The following LIMK2 variants were observed in gnomAD, a reference collection of about 807,000 sequenced individuals.
The protein encoded by LIMK2 is LIM domain kinase 2.
A neutral mutation model predicts 75.7 loss-of-function variants in LIMK2; 35 were observed. The observed-to-expected ratio is 0.46, with a 90% CI of 0.35 to 0.61. LIMK2 has a LOEUF of 0.61. LIMK2 is among the 20% of genes least tolerant of loss of function. The pLI is 0.00. For missense variants in LIMK2, 623 were observed against 831.0 expected (o/e 0.75, Z 3.08); for synonymous variants, 301 against 319.2 (o/e 0.94, Z 0.61).
intron 2 of LIMK2, among the ~76,000 whole-genome samples, chr22:31,248,935 C>T (rs768515465): frequency 1.3e-5 from 2 of 152,126 alleles, no homozygotes; most frequent in Non-Finnish European, 2.9e-5. Context: ...GAGGTACCCC[C>T]ATTATGTCCT....
intron 2 of LIMK2, chr22:31,248,736 T>TC: frequency 1.2e-6 from 2 of 1,614,178 alleles, no homozygotes; most frequent in Non-Finnish European, 1.7e-6. Flanking sequence ...TACTTGTCAG[T>TC]CCCGGCTTAC....
chr22:31,270,997 C>A, intron 11 of LIMK2, 139 bp from the exon 12 acceptor site: 1 of 710,586 alleles, frequency 1.4e-6, no homozygotes. Context: ...CCATAGGAGG[C>A]CCTGGCCCTG....
chr22:31,263,834 T>C (rs986502722), intron 7 of LIMK2, among the ~76,000 whole-genome samples: 2 of 151,966 alleles, frequency 1.3e-5, no homozygotes, highest in Admixed American at 6.6e-5. Context: ...CTACAAAGAA[T>C]AAAAAACTTA....
rs775402074 is a variant in LIMK2, at chr22:31,258,316, A to G, written c.142A>G (p.Thr48Ala). The G allele has an allele frequency of 1.9e-5, 31 of 1,608,582 alleles. No homozygotes were observed. The highest frequency in any genetic ancestry group is 2.0e-5 in the Non-Finnish European group (23 of 1,176,710). ...FRCSECQDSLTNWYYEKDGKL... is the reference protein window; with the variant it reads ...FRCSECQDSLANWYYEKDGKL... ...GTGTTCAGAATGCCAGGATTCCCTCACCAACTGGTACTATGAGAAGGATGG... is the reference window on the plus strand; with the variant it reads ...GTGTTCAGAATGCCAGGATTCCCTCGCCAACTGGTACTATGAGAAGGATGG... Residue 48 changes from threonine to alanine, a missense_variant, in exon 3 of 16, where the codon ACC becomes GCC. Thr to Ala is a moderately conservative substitution (Grantham distance 58). Coordinates refer to ENST00000331728, the MANE Select transcript of LIMK2 (RefSeq NM_005569.4).
At position 31,278,447 on chromosome 22, in the gene LIMK2, G is replaced by A. The variant is rs767808195; in HGVS notation, c.*6G>A. 1 of 1,600,192 alleles carries A rather than the reference G, an allele frequency of 6.2e-7. No homozygotes were observed. Among genetic ancestry groups the A allele is most frequent in the Non-Finnish European group, 8.5e-7 (1 of 1,173,052 alleles). ...CCCGGGACTCACCTCCCTAGCCCTG[G>A]CCCAGCCCCCTGCAGGGGGGTGTTC... On this transcript the variant is annotated 3_prime_UTR_variant, in exon 16 of 16. Coordinates refer to ENST00000331728, the MANE Select transcript of LIMK2 (RefSeq NM_005569.4).
At chr22:31,246,072 C>G (rs2048664955) in intron 2 of LIMK2, among the ~76,000 whole-genome samples, 1 of 151,800 alleles carries the variant, frequency 6.6e-6, no homozygotes, top group East Asian at 1.9e-4. Flanking sequence ...ACTTGGGAGG[C>G]TGAGACAAGA....
At chr22:31,259,662 G>T (rs940570726) in intron 4 of LIMK2, among the ~76,000 whole-genome samples, 18 of 152,286 alleles carry the variant, frequency 1.2e-4, no homozygotes, top group Non-Finnish European at 2.2e-4. Context: ...ACCCAGGCCA[G>T]TGTTTTTCCA....
At chr22:31,269,286 C>CTTTTTT (rs796361643) in intron 11 of LIMK2, among the ~76,000 whole-genome samples, 15 of 95,458 alleles carry the variant, frequency 1.6e-4, no homozygotes, top group Admixed American at 4.2e-4. Flanking sequence ...ATTTTTTTTT[C>CTTTTTT]TTTTTTTTTT....
chr22:31,214,307 C>G (rs2048372479), intron 1 of LIMK2, among the ~76,000 whole-genome samples: 1 of 152,158 alleles, frequency 6.6e-6, no homozygotes, highest in African/African-American at 2.4e-5. Flanking sequence ...TATACTTAGC[C>G]AAATGCTGAG....
At position 31,262,229 on chromosome 22, in the gene LIMK2, G is replaced by T. The variant is rs115204987; in HGVS notation, c.647G>T (p.Arg216Leu). ...AATGGGACCCCCGTCCGCACACTTC[G>T]AGTGGAGGAGGTAGAGTGTGTGTCT... ...EINGTPVRTLRVEEVEDAISQ... is the reference protein window; with the variant it reads ...EINGTPVRTLLVEEVEDAISQ... The change falls in exon 6 of 16, where the codon CGA becomes CTA. Residue 216 changes from arginine to leucine, a missense_variant. Coordinates refer to ENST00000331728, the MANE Select transcript of LIMK2 (RefSeq NM_005569.4). The surrounding 1 kb of genome is among the most constrained non-coding windows in gnomAD (Gnocchi z 5.0). 6.2e-7 allele frequency: 1 copy of T among 1,611,218 alleles called. No individual in the cohort carries two copies. Among genetic ancestry groups the T allele is most frequent in the Non-Finnish European group, 8.5e-7 (1 of 1,177,316 alleles).
chr22:31,271,304 G>A lies in LIMK2; in HGVS notation c.1383+103G>A, dbSNP rs1482885475. On this transcript the variant is annotated intron_variant, in intron 12 of 15. Coordinates refer to ENST00000331728, the MANE Select transcript of LIMK2 (RefSeq NM_005569.4). ...TCCCCTCTGGCTAGAGGGCAGAGGT[G>A]TTGCCTAGGAGCTCCTATCTTTCCC... 7.2e-6 allele frequency: 7 copies of A among 974,708 alleles called. No individual in the cohort carries two copies. In the Admixed American group the frequency reaches 1.0e-4, roughly 15 times the overall value. The allele number at this position is 974,708 out of a possible 1,614,324, so 60.4% of individuals were successfully genotyped here. A position where few individuals can be genotyped will look rare whatever the true frequency, so the allele number is the denominator to read the frequency against.
intron 2 of LIMK2, among the ~76,000 whole-genome samples, chr22:31,251,607 C>T (rs1000791451): frequency 3.3e-5 from 5 of 152,232 alleles, no homozygotes; most frequent in Admixed American, 1.3e-4. Flanking sequence ...AATCAGTGCA[C>T]TCTAGCAACA....
chr22:31,212,977 G>T (rs1339736308), intron 1 of LIMK2, among the ~76,000 whole-genome samples: 1 of 152,102 alleles, frequency 6.6e-6, no homozygotes, highest in Non-Finnish European at 1.5e-5. Flanking sequence ...CCCCGGGGCT[G>T]GGAGCTCTTT....
chr22:31,248,800 C>T (rs760806951), intron 2 of LIMK2: 29 of 1,611,322 alleles, frequency 1.8e-5, no homozygotes, highest in Non-Finnish European at 2.5e-5. Context: ...CCCTCTCCAT[C>T]TCTCCTGGCC....
At chr22:31,257,958 A>T (rs1198061400) in intron 2 of LIMK2, among the ~76,000 whole-genome samples, 5 of 152,150 alleles carry the variant, frequency 3.3e-5, no homozygotes, top group Admixed American at 6.5e-5. Flanking sequence ...CCTGTCCCCC[A>T]CCTAAATTAT....
chr22:31,276,739 C>G, intron 15 of LIMK2: 5 of 1,528,684 alleles, frequency 3.3e-6, no homozygotes, highest in Non-Finnish European at 4.4e-6. Context: ...GCCCCGGCCC[C>G]GGCCCCCAGG....
chr22:31,221,586 G>C (rs1298532927), intron 1 of LIMK2, among the ~76,000 whole-genome samples: 1 of 152,144 alleles, frequency 6.6e-6, no homozygotes, highest in Non-Finnish European at 1.5e-5. Flanking sequence ...CCAGGTTCAA[G>C]CAATTCTCTT....
At chr22:31,258,858 G>T in intron 3 of LIMK2, 1 of 451,502 alleles carries the variant, frequency 2.2e-6, no homozygotes, top group Non-Finnish European at 4.1e-6. Flanking sequence ...TGTATTGGAA[G>T]AACTGATCTT....
intron 2 of LIMK2, among the ~76,000 whole-genome samples, chr22:31,253,329 G>C (rs2048744516): frequency 6.6e-6 from 1 of 152,230 alleles, no homozygotes; most frequent in African/African-American, 2.4e-5. Flanking sequence ...CCTTGGCTTT[G>C]GGAAGAACGT....
Sources: allele counts gnomAD v4.1 joint callset (sites outside exome capture counted in the v4.1 genomes callset), GRCh38; gene constraint gnomAD v4.1.1; non-coding constraint Gnocchi (gnomAD v3.1); transcripts MANE v1.5; gene names NCBI Gene and HGNC (gene_info 2026-07-23, HGNC 2026-07-21).